Variants in FAR2 observed in about 807,000 individuals in gnomAD.
FAR2 encodes fatty acyl-CoA reductase 2.
FAR2 carries 19 observed loss-of-function variants against 56.0 expected under a neutral mutation model. The ratio of observed to expected loss-of-function variants is 0.34; its 90% confidence interval spans 0.24 to 0.50. The LOEUF is 0.50. FAR2 is among the 20% of genes least tolerant of loss of function. The pLI, the probability that FAR2 is intolerant of heterozygous loss-of-function variation, is 0.98. For synonymous variants in FAR2, 219 were observed against 218.8 expected (o/e 1.00, Z -0.01); for missense variants, 508 against 642.2 (o/e 0.79, Z 2.26).
chr12:29,188,748 T>G (rs540185960), intron 1 of FAR2, among the ~76,000 whole-genome samples: 1 of 151,884 alleles, frequency 6.6e-6, no homozygotes, highest in East Asian at 1.9e-4. Context: ...TCTTTTCTTG[T>G]TTTTTTGTTT....
chr12:29,230,582 A>C (rs1947842235), intron 1 of FAR2, among the ~76,000 whole-genome samples: 1 of 152,046 alleles, frequency 6.6e-6, no homozygotes, highest in Non-Finnish European at 1.5e-5. Context: ...AGTGCTGCAA[A>C]GGTGAGGGCA....
intron 5 of FAR2, chr12:29,308,068 A>G (rs1382046279): frequency 1.3e-5 from 5 of 393,944 alleles, no homozygotes; most frequent in Non-Finnish European, 1.8e-5. Flanking sequence ...GAGAGCTTAA[A>G]TTAGCTTCTA....
chr12:29,188,964 G>A (rs1372929472), intron 1 of FAR2, among the ~76,000 whole-genome samples: 1 of 151,984 alleles, frequency 6.6e-6, no homozygotes, highest in Non-Finnish European at 1.5e-5. Context: ...TTTTTGATAG[G>A]TAGCCACATG....
At chr12:29,261,904 C>T (rs534656407) in intron 1 of FAR2, among the ~76,000 whole-genome samples, 3 of 152,304 alleles carry the variant, frequency 2.0e-5, no homozygotes, top group Admixed American at 2.0e-4. Flanking sequence ...CAGACCTGTC[C>T]TATAAAAATG....
intron 1 of FAR2, among the ~76,000 whole-genome samples, chr12:29,258,323 C>T (rs1168706384): frequency 6.6e-6 from 1 of 152,100 alleles, no homozygotes; most frequent in Non-Finnish European, 1.5e-5. Flanking sequence ...CCACTGCACT[C>T]CAGTCTGGGT....
At chr12:29,263,718 C>T (rs1948463648) in intron 1 of FAR2, among the ~76,000 whole-genome samples, 1 of 121,214 alleles carries the variant, frequency 8.2e-6, no homozygotes, top group Non-Finnish European at 1.8e-5. Flanking sequence ...TTCTCTCAGT[C>T]CAGCTGAGAG....
At chr12:29,155,368 T>C (rs1164901948) in intron 1 of FAR2, among the ~76,000 whole-genome samples, 1 of 152,134 alleles carries the variant, frequency 6.6e-6, no homozygotes, top group Non-Finnish European at 1.5e-5. Context: ...TCCCCATGCA[T>C]TTGCATGGTG....
chr12:29,293,942 C>T (rs1949014979), intron 3 of FAR2, among the ~76,000 whole-genome samples: 1 of 151,934 alleles, frequency 6.6e-6, no homozygotes, highest in Admixed American at 6.6e-5. Context: ...TATTTTTCAC[C>T]CCTTTGTGTG....
intron 1 of FAR2, among the ~76,000 whole-genome samples, chr12:29,265,062 G>A (rs1948491278): frequency 6.6e-6 from 1 of 152,210 alleles, no homozygotes; most frequent in Non-Finnish European, 1.5e-5. Flanking sequence ...CCATGTTCAT[G>A]TGTTGGAAGA....
intron 10 of FAR2, among the ~76,000 whole-genome samples, chr12:29,324,114 T>TTG (rs1949602597): frequency 6.6e-6 from 1 of 152,090 alleles, no homozygotes; most frequent in African/African-American, 2.4e-5. Flanking sequence ...CAAGCCTCAG[T>TTG]AACCGATGCG....
rs1404657409 is a variant in FAR2, at chr12:29,316,974, C to A, written c.1089C>A (p.Ile363=). The change falls in exon 9 of 12, where the codon ATC becomes ATA. Residue 363 remains isoleucine (I), a synonymous_variant. Coordinates refer to ENST00000536681, the MANE Select transcript of FAR2 (RefSeq NM_001271783.2). ...TCAGCCACCGGGCCCCTGCCATTAT[C>A]TATGACTGCTATCTGCGGCTCACTG... ...NAVSHRAPAI[I]YDCYLRLTGR... is the part of the protein sequence containing the mutation. 3 of 1,613,940 alleles carry A rather than the reference C, an allele frequency of 1.9e-6. No individual in the cohort carries two copies. The highest frequency in any genetic ancestry group is 2.5e-6 in the Non-Finnish European group (3 of 1,179,886).
At position 29,309,219 on chromosome 12, in the gene FAR2, A is replaced by G; in HGVS notation, c.757A>G (p.Ile253Val). Residue 253 changes from isoleucine (I) to valine (V), a missense_variant, in exon 6 of 12, where the codon ATC (isoleucine) becomes GTC (valine). Coordinates refer to ENST00000536681, the MANE Select transcript of FAR2 (RefSeq NM_001271783.2). The part of the protein sequence containing the change: ...WVDNINGPNG[I>V]IIATGKGFLR... ...TGATAATATAAATGGACCTAATGGA[A>G]TCATTATTGCGGTATGTATAATGAT... is the stretch of plus-strand genomic sequence containing the variant. 6.2e-7 allele frequency: 1 copy of G among 1,600,544 alleles called. No individual in the cohort carries two copies. The highest frequency in any genetic ancestry group is 8.6e-7 in the Non-Finnish European group (1 of 1,169,486).
At chr12:29,285,809 C>T (rs1287549137) in intron 2 of FAR2, among the ~76,000 whole-genome samples, 2 of 151,996 alleles carry the variant, frequency 1.3e-5, no homozygotes, top group African/African-American at 2.4e-5. Flanking sequence ...GTCCCAGCTA[C>T]TTGGGAGGCT....
At chr12:29,216,154 T>C (rs1186973623) in intron 1 of FAR2, among the ~76,000 whole-genome samples, 2 of 152,174 alleles carry the variant, frequency 1.3e-5, no homozygotes, top group African/African-American at 4.8e-5. Flanking sequence ...GGAACTACCT[T>C]AAATTAATTA....
At chr12:29,323,550 T>C (rs754811324) in intron 10 of FAR2, among the ~76,000 whole-genome samples, 1 of 152,164 alleles carries the variant, frequency 6.6e-6, no homozygotes, top group Non-Finnish European at 1.5e-5. Flanking sequence ...GAGACAAAAC[T>C]TCCAGAGGAA....
chr12:29,183,347 A>G (rs889314534), intron 1 of FAR2, among the ~76,000 whole-genome samples: 2 of 152,098 alleles, frequency 1.3e-5, no homozygotes, highest in Non-Finnish European at 2.9e-5. Context: ...TATCACCTAC[A>G]TATCAATGAC....
At chr12:29,253,391 A>ATCTATATC (rs1948266159) in intron 1 of FAR2, among the ~76,000 whole-genome samples, 4 of 145,336 alleles carry the variant, frequency 2.8e-5, no homozygotes, top group Admixed American at 6.8e-5. Flanking sequence ...AGATAGATAG[A>ATCTATATC]TATCTAGATA....
chr12:29,219,952 A>G (rs982717331), intron 1 of FAR2, among the ~76,000 whole-genome samples: 2 of 152,184 alleles, frequency 1.3e-5, no homozygotes, highest in Non-Finnish European at 2.9e-5. Context: ...CCAATCTTTT[A>G]TTATTGTGCT....
Position 29,293,463 on chromosome 12 carries a change from A to G in FAR2, c.353A>G (p.Asp118Gly). 1 of 1,574,010 alleles carries G rather than the reference A, an allele frequency of 6.4e-7. No homozygotes were observed. Among genetic ancestry groups the G allele is most frequent in the African/African-American group, 1.4e-5 (1 of 73,158 alleles). ...CACTGTGCAGCCACTGTACGCTTTG[A>G]CGACACTCTCAGGTACATTCCCATT... The part of the protein sequence containing the change: ...IFHCAATVRF[D>G]DTLRHAVQLN... The change falls in exon 3 of 12, where the codon GAC becomes GGC. Residue 118 changes from aspartate (D) to glycine (G), a missense_variant. Transcript: ENST00000536681.
Sources: gnomAD v4.1 joint callset for allele counts (sites outside exome capture counted in the v4.1 genomes callset) on GRCh38, gnomAD v4.1.1 for gene constraint, MANE v1.5 for transcripts, NCBI Gene and HGNC (gene_info 2026-07-23, HGNC 2026-07-21) for gene names.